The following MIPOL1 variants were observed in gnomAD, a reference collection of about 807,000 sequenced individuals.
MIPOL1 encodes mirror-image polydactyly gene 1 protein.
Under a neutral mutation model 60.9 loss-of-function variants are expected in MIPOL1, and 57 were observed. The observed-to-expected ratio is 0.94, with a 90% confidence interval of 0.76 to 1.17. The LOEUF (loss-of-function observed/expected upper bound fraction) is 1.17, where lower values mean the gene tolerates loss of function less well. Among genes scored for constraint, MIPOL1 ranks in the 50% most tolerant of loss-of-function variants. The pLI, the probability that MIPOL1 is intolerant of heterozygous loss-of-function variation, is 0.00. For missense variants in MIPOL1, 551 were observed against 511.6 expected (o/e 1.08, Z -0.74); for synonymous variants, 179 against 168.8 (o/e 1.06, Z -0.47).
At chr14:37,285,748 A>T (rs923329968) in intron 7 of MIPOL1, among the ~76,000 whole-genome samples, 1 of 151,566 alleles carries the variant, frequency 6.6e-6, no homozygotes, top group Non-Finnish European at 1.5e-5. Context: ...CCTGCCACCA[A>T]GCCTAGCTAA....
chr14:37,271,590 C>T (rs930770640), intron 6 of MIPOL1, among the ~76,000 whole-genome samples: 3 of 151,226 alleles, frequency 2.0e-5, no homozygotes, highest in African/African-American at 7.3e-5. Context: ...GTTAAACTAC[C>T]GTAATGTTTT....
intron 11 of MIPOL1, among the ~76,000 whole-genome samples, chr14:37,446,955 A>G (rs1454659004): frequency 6.6e-6 from 1 of 152,010 alleles, no homozygotes; most frequent in Non-Finnish European, 1.5e-5. Flanking sequence ...GGATAGCATT[A>G]GGAGATATAC....
chr14:37,303,133 A>G (rs1298061858), intron 7 of MIPOL1, among the ~76,000 whole-genome samples: 2 of 152,026 alleles, frequency 1.3e-5, no homozygotes, highest in Middle Eastern at 3.4e-3. Flanking sequence ...TTGACCTCCA[A>G]AAGACAACAA....
chr14:37,514,618 A>G (rs1475011876), intron 12 of MIPOL1, among the ~76,000 whole-genome samples: 2 of 151,594 alleles, frequency 1.3e-5, no homozygotes, highest in South Asian at 2.1e-4. Flanking sequence ...TATAGAAAAT[A>G]TACACTTTTT....
chr14:37,409,882 A>G (rs781117112), intron 10 of MIPOL1, among the ~76,000 whole-genome samples: 49 of 152,328 alleles, frequency 3.2e-4, no homozygotes, highest in Admixed American at 1.6e-3. Flanking sequence ...TGAATCAAAT[A>G]TTAAGAGATT....
At chr14:37,416,429 C>G (rs911621119) in intron 10 of MIPOL1, among the ~76,000 whole-genome samples, 8 of 152,064 alleles carry the variant, frequency 5.3e-5, no homozygotes, top group Admixed American at 5.2e-4. Flanking sequence ...GGTAGTATAG[C>G]CTACTACACA....
chr14:37,388,589 A>C (rs1434935554), intron 10 of MIPOL1, among the ~76,000 whole-genome samples: 1 of 151,642 alleles, frequency 6.6e-6, no homozygotes, highest in Non-Finnish European at 1.5e-5. Context: ...GTCCACCGTA[A>C]TGAAGATACA....
chr14:37,546,775 G>A (rs973252817), intron 12 of MIPOL1, 130 bp from the exon 13 acceptor site: 7 of 713,314 alleles, frequency 9.8e-6, no homozygotes, highest in African/African-American at 5.4e-5. Context: ...TCACAGTAAT[G>A]CTTTGTTTCT....
At chr14:37,268,408 C>G (rs1021931933) in intron 4 of MIPOL1, among the ~76,000 whole-genome samples, 2 of 152,080 alleles carry the variant, frequency 1.3e-5, no homozygotes, top group Non-Finnish European at 2.9e-5. Flanking sequence ...ATAATTACAA[C>G]AGGAGATGTA....
intron 9 of MIPOL1, among the ~76,000 whole-genome samples, chr14:37,335,158 C>T (rs756238416): frequency 1.2e-4 from 19 of 152,166 alleles, no homozygotes; most frequent in Middle Eastern, 6.8e-3. Flanking sequence ...TCTACATTCT[C>T]GCTAACACCT....
In MIPOL1 at chr14:37,205,136, T is replaced by C. The variant is rs796887644; in HGVS notation, c.-199+7032T>C. On this transcript the variant is annotated intron_variant, in intron 1 of 12. Coordinates refer to ENST00000684589, the MANE Select transcript of MIPOL1 (RefSeq NM_001388067.1). ...TTTTTTTTTTGAGACGGAGTTTTGC[T>C]TTTATTGTCCAGGCTGGGGTGCAGT... is the stretch of plus-strand genomic sequence containing the variant. Among the ~76,000 whole-genome samples the C allele has an allele frequency of 2.3e-4, 35 of 152,070 alleles. 1 individual carries two copies. Among genetic ancestry groups the C allele is most frequent in the African/African-American group, 8.2e-4 (34 of 41,488 alleles).
At chr14:37,259,438 A>G (rs1221286634) in intron 3 of MIPOL1, among the ~76,000 whole-genome samples, 2 of 151,892 alleles carry the variant, frequency 1.3e-5, no homozygotes, top group Non-Finnish European at 2.9e-5. Context: ...GTGGTGGTAC[A>G]TGCCTGTGGT....
chr14:37,220,450 C>T lies in MIPOL1; in HGVS notation c.-199+22346C>T, dbSNP rs1968557995. On this transcript the variant is annotated intron_variant, in intron 1 of 12. Coordinates refer to ENST00000684589, the MANE Select transcript of MIPOL1 (RefSeq NM_001388067.1). ...CTTTTAAGTTTAATGTAAATTGAAG[C>T]CACTTCCTTAATTTATGTCAAACAG... Among the ~76,000 whole-genome samples the T allele has an allele frequency of 2.0e-5, 3 of 152,210 alleles. No individual in the cohort carries two copies. In the South Asian group the frequency reaches 6.2e-4, roughly 32 times the overall value.
chr14:37,391,712 A>G (rs1246184169), intron 10 of MIPOL1, among the ~76,000 whole-genome samples: 1 of 152,160 alleles, frequency 6.6e-6, no homozygotes, highest in African/African-American at 2.4e-5. Flanking sequence ...AAAATTAATA[A>G]TAATGTCTTA....
At chr14:37,461,269 C>T (rs2094535286) in intron 11 of MIPOL1, among the ~76,000 whole-genome samples, 1 of 152,150 alleles carries the variant, frequency 6.6e-6, no homozygotes, top group Non-Finnish European at 1.5e-5. Context: ...TGGCAGAAGG[C>T]AAGGAGGAGC....
chr14:37,267,076 A>G lies in MIPOL1; in HGVS notation c.158A>G (p.Asn53Ser). The G allele has an allele frequency of 6.2e-7, 1 of 1,614,042 alleles. No individual in the cohort carries two copies. The change falls in exon 4 of 13, where the codon AAC becomes AGC. Residue 53 changes from asparagine (N) to serine (S), a missense_variant. Coordinates refer to ENST00000684589, the MANE Select transcript of MIPOL1 (RefSeq NM_001388067.1). Reference sequence around the variant, plus strand: ...TTAGTTAATGAAATAACATGTGAGAACACAGAATGGCCAGGGCAGAGATCA... The same window carrying G: ...TTAGTTAATGAAATAACATGTGAGAGCACAGAATGGCCAGGGCAGAGATCA... ...TELVNEITCE[N>S]TEWPGQRSTN...
intron 9 of MIPOL1, among the ~76,000 whole-genome samples, chr14:37,327,776 A>G (rs1249712856): frequency 6.6e-6 from 1 of 152,198 alleles, no homozygotes; most frequent in Non-Finnish European, 1.5e-5. Context: ...TTTAAAAGAA[A>G]CTATTATTTT....
chr14:37,234,577 CT>C (rs1443530855), intron 1 of MIPOL1, among the ~76,000 whole-genome samples: 1 of 152,062 alleles, frequency 6.6e-6, no homozygotes, highest in African/African-American at 2.4e-5. Flanking sequence ...TCAAGTAATT[CT>C]CCTGTCTTAG....
intron 1 of MIPOL1, among the ~76,000 whole-genome samples, chr14:37,244,048 G>GTGCAGTT (rs1003556786): frequency 1.4e-5 from 2 of 147,866 alleles, no homozygotes; most frequent in African/African-American, 5.0e-5. Flanking sequence ...AGAGAAGGGT[G>GTGCAGTT]TGCAGTTTGC....
Sources: gnomAD v4.1 joint callset for allele counts (sites outside exome capture counted in the v4.1 genomes callset) on GRCh38, gnomAD v4.1.1 for gene constraint, MANE v1.5 for transcripts, NCBI Gene and HGNC (gene_info 2026-07-23, HGNC 2026-07-21) for gene names.